EPCIP: variants seen among roughly 807,000 people sequenced by gnomAD.
EPCIP encodes exosomal polycystin 1 interacting protein, also known as exosomal polycystin-1-interacting protein.
the EPCIP span, among the ~76,000 whole-genome samples, chr21:32,795,990 T>TTCCCTCCTTCCACCC: frequency 1.3e-5 from 2 of 150,238 alleles, no homozygotes; most frequent in Admixed American, 1.3e-4. Context: ...CCTTCCCTCC[T>TTCCCTCCTTCCACCC]TCCCTCCTTC....
chr21:32,812,169 C>A, the EPCIP span, among the ~76,000 whole-genome samples: 3 of 152,326 alleles, frequency 2.0e-5, no homozygotes, highest in East Asian at 1.9e-4. Flanking sequence ...GGCTACCGTA[C>A]TTTTCTACTT....
chr21:32,802,860 C>A, the EPCIP span, among the ~76,000 whole-genome samples: 2 of 152,196 alleles, frequency 1.3e-5, no homozygotes, highest in African/African-American at 2.4e-5. Context: ...CGGCTCACTG[C>A]AACCTCCCAC....
chr21:32,799,947 A>G, the EPCIP span, among the ~76,000 whole-genome samples: 39 of 152,370 alleles, frequency 2.6e-4, no homozygotes, highest in East Asian at 6.7e-3. Flanking sequence ...CTCTATCTCA[A>G]ATAATAAAAT....
the EPCIP span, chr21:32,813,487 C>G: frequency 2.3e-6 from 1 of 429,394 alleles, no homozygotes; most frequent in South Asian, 1.7e-5. Flanking sequence ...GACAATGGTT[C>G]TTCCAACCGT....
the EPCIP span, among the ~76,000 whole-genome samples, chr21:32,812,982 C>G: frequency 6.6e-6 from 1 of 152,148 alleles, no homozygotes; most frequent in Non-Finnish European, 1.5e-5. Context: ...TGTTAATGCT[C>G]ATCTTAGCTT....
chr21:32,812,382 A>T, the EPCIP span, among the ~76,000 whole-genome samples: 1 of 152,188 alleles, frequency 6.6e-6, no homozygotes, highest in Non-Finnish European at 1.5e-5. Context: ...ATTAGCTCCC[A>T]CAGACACAGA....
At chr21:32,809,345 C>CTTTCT in the EPCIP span, among the ~76,000 whole-genome samples, 2 of 53,288 alleles carry the variant, frequency 3.8e-5, no homozygotes, top group African/African-American at 1.5e-4. Context: ...TCTTTCTTTC[C>CTTTCT]TCTTTCTTTC....
At chr21:32,796,686 T>C in the EPCIP span, among the ~76,000 whole-genome samples, 1 of 152,206 alleles carries the variant, frequency 6.6e-6, no homozygotes, top group Admixed American at 6.5e-5. Context: ...TGTTAGAATG[T>C]GGGTGTGTCT....
At chr21:32,810,731 A>G in the EPCIP span, 7 of 467,266 alleles carry the variant, frequency 1.5e-5, no homozygotes, top group African/African-American at 1.2e-4. Flanking sequence ...TCATGCTCAC[A>G]TGTCCCACAT....
chr21:32,793,335 A>G, the EPCIP span, among the ~76,000 whole-genome samples: 7 of 152,192 alleles, frequency 4.6e-5, no homozygotes, highest in Non-Finnish European at 1.0e-4. Context: ...ATTTCACAAA[A>G]TGAAACAGAA....
chr21:32,792,317 G>A, the EPCIP span, among the ~76,000 whole-genome samples: 3 of 152,100 alleles, frequency 2.0e-5, no homozygotes, highest in Non-Finnish European at 2.9e-5. Flanking sequence ...TGTGTTAACC[G>A]TGTCATATAA....
the EPCIP span, among the ~76,000 whole-genome samples, chr21:32,805,246 C>T: frequency 6.6e-6 from 1 of 152,198 alleles, no homozygotes; most frequent in Non-Finnish European, 1.5e-5. Flanking sequence ...CAGAAGGAAC[C>T]AGGCCTACTG....
At chr21:32,799,958 A>G in the EPCIP span, among the ~76,000 whole-genome samples, 3 of 152,228 alleles carry the variant, frequency 2.0e-5, no homozygotes, top group African/African-American at 7.2e-5. Context: ...ATAATAAAAT[A>G]AAAACCACTT....
At chr21:32,810,310 C>T in the EPCIP span, among the ~76,000 whole-genome samples, 1 of 125,950 alleles carries the variant, frequency 7.9e-6, no homozygotes, top group Non-Finnish European at 1.6e-5. Flanking sequence ...GGCTGGAGTG[C>T]AGTGGTGTGA....
chr21:32,802,563 C>G, the EPCIP span, among the ~76,000 whole-genome samples: 8 of 152,314 alleles, frequency 5.3e-5, no homozygotes, highest in East Asian at 1.5e-3. Flanking sequence ...GTATTTTCCT[C>G]AGTGATTTCC....
At chr21:32,804,941 T>A in the EPCIP span, among the ~76,000 whole-genome samples, 1 of 152,236 alleles carries the variant, frequency 6.6e-6, no homozygotes, top group East Asian at 1.9e-4. Context: ...ATGGATGTTA[T>A]AGTAGGTCAA....
the EPCIP span, chr21:32,798,021 A>G: frequency 1.3e-5 from 2 of 152,222 alleles, no homozygotes. Context: ...AAATAAATAA[A>G]TAAATAAACC....
the EPCIP span, chr21:32,793,927 C>G: frequency 2.5e-6 from 4 of 1,614,196 alleles, no homozygotes; most frequent in Non-Finnish European, 3.4e-6. Flanking sequence ...ATGAGATATA[C>G]ATACATGGCT....
the EPCIP span, among the ~76,000 whole-genome samples, chr21:32,809,864 C>A: frequency 6.6e-6 from 1 of 151,536 alleles, no homozygotes; most frequent in African/African-American, 2.4e-5. Flanking sequence ...CTCAAACCTA[C>A]TTTTCTTAGA....
Sources: gnomAD v4.1 joint callset for allele counts (sites outside exome capture counted in the v4.1 genomes callset) on GRCh38, gnomAD v4.1.1 for gene constraint, MANE v1.5 for transcripts, NCBI Gene and HGNC (gene_info 2026-07-23, HGNC 2026-07-21) for gene names.